PYGL: variants seen among roughly 807,000 people sequenced by gnomAD.
PYGL encodes the protein glycogen phosphorylase, liver form.
In PYGL, 90 loss-of-function variants were observed where a neutral mutation model predicts 100.1. The observed-to-expected ratio is 0.90, with a 90% CI of 0.76 to 1.07. The LOEUF is 1.07. Among genes scored for constraint, PYGL ranks in the 50% least tolerant of loss-of-function variants. PYGL has a pLI of 0.00. For synonymous variants in PYGL, 373 were observed against 393.0 expected (o/e 0.95, Z 0.60); for missense variants, 1,016 against 1,057.6 (o/e 0.96, Z 0.55).
In PYGL at chr14:50,940,936, G is replaced by A. The variant is rs559625250; in HGVS notation, c.244-3099C>T. Among the ~76,000 whole-genome samples the A allele has an allele frequency of 7.9e-5, 12 of 152,322 alleles. No homozygotes were observed. The South Asian group carries it at 2.1e-3, about 26-fold the overall frequency. ...GGCAAGAGTTGAGCATAGAAATGTG[G>A]TAGGAAGGACACTGCAAGTGAATCG... On this transcript the variant is annotated intron_variant, in intron 1 of 19. Coordinates refer to ENST00000216392, the MANE Select transcript of PYGL (RefSeq NM_002863.5).
In PYGL at chr14:50,924,079, G is replaced by C. The variant is rs759235798; in HGVS notation, c.550C>G (p.Leu184Val). ...GWQVEEADDW[L>V]RYGNPWEKSR... ...TTCTCCCAAGGGTTTCCATATCTGA[G>C]CCAATCATCTGCTTCTTCTACCTGC... Residue 184 changes from leucine (L) to valine (V), a missense_variant, in exon 5 of 20, where the codon CTC becomes GTC. Leu to Val is a conservative substitution (Grantham distance 32). Transcript: ENST00000216392. The C allele has an allele frequency of 3.1e-6, 5 of 1,613,788 alleles. No individual in the cohort carries two copies. The highest frequency in any genetic ancestry group is 4.2e-6 in the Non-Finnish European group (5 of 1,179,748).
chr14:50,905,248 G>C lies in PYGL; in HGVS notation c.*144C>G, dbSNP rs2050318407. 1 of 827,556 alleles carries C rather than the reference G, an allele frequency of 1.2e-6. No individual in the cohort carries two copies. Among genetic ancestry groups the C allele is most frequent in the Non-Finnish European group, 1.9e-6 (1 of 525,212 alleles). 51.3% of individuals were successfully genotyped at this position (827,556 alleles called of 1,614,324 possible). ...TTGGAAATTGACACTTTATTTTTAAGCTCTATTACATATAATTTCCCTCCC... is the reference window on the plus strand; with the variant it reads ...TTGGAAATTGACACTTTATTTTTAACCTCTATTACATATAATTTCCCTCCC... On this transcript the variant is annotated 3_prime_UTR_variant, in exon 20 of 20. Coordinates refer to ENST00000216392, the MANE Select transcript of PYGL (RefSeq NM_002863.5).
chr14:50,931,727 G>A lies in PYGL; in HGVS notation c.474C>T (p.Tyr158=), dbSNP rs149458406. The A allele has an allele frequency of 1.8e-5, 29 of 1,613,886 alleles. No homozygotes were observed. Among genetic ancestry groups the A allele is most frequent in the African/African-American group, 6.7e-5 (5 of 74,982 alleles). The change falls in exon 4 of 20, where the codon TAC becomes TAT. Residue 158 remains tyrosine (Y), a synonymous_variant. Coordinates refer to ENST00000216392, the MANE Select transcript of PYGL (RefSeq NM_002863.5). ...MATLGLAAYG[Y]GIRYEYGIFN... ...AAATCCCATATTCATACCGAATGCC[G>A]TATCCATAGGCTGCAAGTCCCAGGG...
chr14:50,907,569 G>A (rs963040209), intron 19 of PYGL, among the ~76,000 whole-genome samples: 1 of 152,072 alleles, frequency 6.6e-6, no homozygotes, highest in Non-Finnish European at 1.5e-5. Context: ...GGAGGGGAGG[G>A]AGGGAGAGAC....
intron 1 of PYGL, among the ~76,000 whole-genome samples, chr14:50,943,457 G>T (rs1041884455): frequency 2.6e-5 from 4 of 152,276 alleles, no homozygotes; most frequent in South Asian, 2.1e-4. Flanking sequence ...GGCAGGCCTC[G>T]GGTGTGGAAG....
At chr14:50,922,045 G>GA (rs2050507617) in intron 5 of PYGL, among the ~76,000 whole-genome samples, 1 of 152,222 alleles carries the variant, frequency 6.6e-6, no homozygotes, top group Admixed American at 6.5e-5. Context: ...CTGAAATAGA[G>GA]AAGAGGAAGA....
chr14:50,937,937 C>A (rs1566514394), intron 1 of PYGL, 100 bp from the exon 2 acceptor site: 1 of 1,062,928 alleles, frequency 9.4e-7, no homozygotes, highest in Non-Finnish European at 1.4e-6. Flanking sequence ...AAGAAACAAA[C>A]AGGCAGGACT....
Position 50,917,034 on chromosome 14 carries a change from G to A in PYGL, c.927C>T (p.Ile309=), listed in dbSNP as rs1028592412. ...FVVAATLQDI[I]RRFKASKFGS... The stretch of plus-strand genomic sequence containing the variant: ...CAAACTTGGAGGCTTTGAAACGGCG[G>A]ATGATATCTTGCAAGGTTGCAGCCA... The change falls in exon 8 of 20, where the codon ATC becomes ATT. Residue 309 remains isoleucine, a synonymous_variant. Transcript: ENST00000216392. 2.5e-6 allele frequency: 4 copies of A among 1,613,930 alleles called. No individual in the cohort carries two copies. The highest frequency in any genetic ancestry group is 3.3e-5 in the Admixed American group (2 of 60,016).
At chr14:50,938,009 T>C (rs1247707664) in intron 1 of PYGL, among the ~76,000 whole-genome samples, 172 bp from the exon 2 acceptor site, 1 of 152,160 alleles carries the variant, frequency 6.6e-6, no homozygotes, top group Non-Finnish European at 1.5e-5. Context: ...TGACTCCATC[T>C]TGAATAGGAG....
At chr14:50,907,077 T>C (rs769962077) in intron 19 of PYGL, among the ~76,000 whole-genome samples, 1 of 152,056 alleles carries the variant, frequency 6.6e-6, no homozygotes, top group Non-Finnish European at 1.5e-5. Context: ...TCACTAAAAG[T>C]CTCTCCTATC....
At chr14:50,918,477 A>G (rs577874113) in intron 7 of PYGL, among the ~76,000 whole-genome samples, 2 of 152,370 alleles carry the variant, frequency 1.3e-5, no homozygotes, top group East Asian at 1.9e-4. Flanking sequence ...TATATATACC[A>G]TGGAATACTA....
chr14:50,931,654 A>C lies in PYGL; in HGVS notation c.528+19T>G. ...GAGAAGTACCTTAATGACAAAATTTAAAAAGATGGCTCACACACCTGCCAT... is the reference window on the plus strand; with the variant it reads ...GAGAAGTACCTTAATGACAAAATTTCAAAAGATGGCTCACACACCTGCCAT... On this transcript the variant is annotated intron_variant, in intron 4 of 19. Transcript: ENST00000216392. The C allele has an allele frequency of 1.3e-6, 2 of 1,597,166 alleles. No individual in the cohort carries two copies. The highest frequency in any genetic ancestry group is 2.7e-5 in the African/African-American group (2 of 74,616).
Position 50,911,902 on chromosome 14 carries a change from G to A in PYGL, c.1828-31C>T, listed in dbSNP as rs779191245. The A allele has an allele frequency of 3.7e-6, 6 of 1,614,008 alleles. No individual in the cohort carries two copies. The Admixed American group carries it at 5.0e-5, about 13-fold the overall frequency. On this transcript the variant is annotated intron_variant, in intron 15 of 19. Transcript: ENST00000216392. Reference sequence around the variant, plus strand: ...GGGAAGAAGGTCAAACGCATTGACAGAAGGCAGCCATGATGAAGTAGAAGA... The same window carrying A: ...GGGAAGAAGGTCAAACGCATTGACAAAAGGCAGCCATGATGAAGTAGAAGA...
At chr14:50,905,619 A>G in intron 19 of PYGL, 63 bp from the exon 20 acceptor site, 1 of 1,491,824 alleles carries the variant, frequency 6.7e-7, no homozygotes. Context: ...TATAATAAAC[A>G]TCAGCCAAGC....
intron 7 of PYGL, among the ~76,000 whole-genome samples, chr14:50,919,136 T>C (rs2050478775): frequency 6.6e-6 from 1 of 152,226 alleles, no homozygotes; most frequent in South Asian, 2.1e-4. Flanking sequence ...GTATATATTG[T>C]CAGTTACTGC....
chr14:50,915,602 A>C (rs1164914854), intron 10 of PYGL, 103 bp from the exon 11 acceptor site: 4 of 1,486,466 alleles, frequency 2.7e-6, no homozygotes, highest in Non-Finnish European at 3.7e-6. Context: ...TACTCAATAT[A>C]AACTTCACTA....
At chr14:50,908,398 C>G (rs895709026) in intron 18 of PYGL, 61 bp from the exon 19 acceptor site, 35 of 1,373,420 alleles carry the variant, frequency 2.5e-5, no homozygotes, top group Non-Finnish European at 3.3e-5. Context: ...TAGATATATG[C>G]TAAAATTCCA....
intron 9 of PYGL, among the ~76,000 whole-genome samples, chr14:50,916,230 T>G (rs914649161): frequency 3.3e-5 from 5 of 152,254 alleles, no homozygotes; most frequent in African/African-American, 1.2e-4. Flanking sequence ...TTATGTGTCT[T>G]TCACTTATTA....
intron 7 of PYGL, among the ~76,000 whole-genome samples, chr14:50,918,266 C>T (rs1451939169): frequency 1.3e-5 from 2 of 152,212 alleles, no homozygotes; most frequent in Non-Finnish European, 2.9e-5. Context: ...CTATGTTAAA[C>T]AGCATGGAGA....
Sources: allele counts gnomAD v4.1 joint callset (sites outside exome capture counted in the v4.1 genomes callset), GRCh38; gene constraint gnomAD v4.1.1; transcripts MANE v1.5; gene names NCBI Gene and HGNC (gene_info 2026-07-23, HGNC 2026-07-21).